NREP: variants seen among roughly 807,000 people sequenced by gnomAD.
The protein encoded by NREP is neuronal regeneration related protein.
In NREP, 5 loss-of-function variants were observed where a neutral mutation model predicts 8.6. That is an observed-to-expected ratio of 0.58 (90% CI 0.30 to 1.22). The LOEUF is 1.22. Ranked by LOEUF, NREP falls within the 50% of genes most tolerant of loss-of-function variation. NREP has a pLI of 0.07. For synonymous variants in NREP, 27 were observed against 28.0 expected (o/e 0.96, Z 0.11); for missense variants, 86 against 82.5 (o/e 1.04, Z -0.17).
chr5:111,752,447 G>C (rs190853569), intron 2 of NREP, among the ~76,000 whole-genome samples: 1 of 152,178 alleles, frequency 6.6e-6, no homozygotes, highest in Non-Finnish European at 1.5e-5. Flanking sequence ...CCACAATCAA[G>C]AGTCACTGAG....
intron 2 of NREP, among the ~76,000 whole-genome samples, chr5:111,768,271 A>G (rs1443116660): frequency 6.6e-6 from 1 of 152,152 alleles, no homozygotes; most frequent in Non-Finnish European, 1.5e-5. Context: ...ATAGGAGCAG[A>G]AGGAGATTAT....
chr5:111,791,026 C>T (rs918186129), intron 2 of NREP, among the ~76,000 whole-genome samples: 10 of 151,918 alleles, frequency 6.6e-5, no homozygotes, highest in Non-Finnish European at 2.9e-5. Flanking sequence ...AACCAATCCC[C>T]GAGTATACTG....
chr5:111,807,125 A>G (rs955689397), intron 2 of NREP, among the ~76,000 whole-genome samples: 2 of 151,988 alleles, frequency 1.3e-5, no homozygotes, highest in African/African-American at 2.4e-5. Context: ...AAAAACAAAA[A>G]AACAAAAAAA....
chr5:111,877,223 T>A lies in NREP; in HGVS notation c.135+98051A>T, dbSNP rs1055272794. Among the ~76,000 whole-genome samples, 4 of 152,220 alleles carry A rather than the reference T, an allele frequency of 2.6e-5. No individual in the cohort carries two copies. The East Asian group carries it at 7.7e-4, about 29-fold the overall frequency. ...TATCTCTCAATCTTTCCTTCATTCT[T>A]GGTTGCTGCTGCTATGGCCCTGTTA... is the stretch of plus-strand genomic sequence containing the variant. On this transcript the variant is annotated intron_variant, in intron 2 of 3. Transcript: ENST00000395634.
chr5:111,751,222 T>A (rs1156424377), intron 2 of NREP, among the ~76,000 whole-genome samples: 1 of 152,200 alleles, frequency 6.6e-6, no homozygotes, highest in Non-Finnish European at 1.5e-5. Context: ...AGGAAAGAAA[T>A]GCATATGATC....
intron 2 of NREP, among the ~76,000 whole-genome samples, chr5:111,907,176 A>G (rs1754798770): frequency 6.6e-6 from 1 of 151,996 alleles, no homozygotes; most frequent in African/African-American, 2.4e-5. Context: ...TTTTTTGCCA[A>G]GCAGTTTTTT....
intron 2 of NREP, 125 bp downstream of exon 2, chr5:111,755,645 C>A: frequency 9.3e-7 from 1 of 1,080,564 alleles, no homozygotes; most frequent in Non-Finnish European, 1.4e-6. Context: ...GAGATAGAAC[C>A]TTTTAAAGGT....
intron 2 of NREP, among the ~76,000 whole-genome samples, chr5:111,863,055 C>A (rs766508473): frequency 2.6e-5 from 4 of 151,810 alleles, no homozygotes; most frequent in Non-Finnish European, 5.9e-5. Flanking sequence ...TTAATGATCA[C>A]TTTGACCTTA....
chr5:111,886,327 T>G (rs1050456965), intron 2 of NREP, among the ~76,000 whole-genome samples: 4 of 151,938 alleles, frequency 2.6e-5, no homozygotes, highest in South Asian at 2.1e-4. Context: ...AAACAACAGG[T>G]GCTGGAGAGG....
At chr5:111,807,119 A>T (rs752528688) in intron 2 of NREP, among the ~76,000 whole-genome samples, 1 of 151,876 alleles carries the variant, frequency 6.6e-6, no homozygotes, top group Non-Finnish European at 1.5e-5. Flanking sequence ...TATCTTAAAA[A>T]CAAAAAAACA....
At chr5:111,824,347 C>T (rs1444831621) in intron 2 of NREP, among the ~76,000 whole-genome samples, 3 of 152,212 alleles carry the variant, frequency 2.0e-5, no homozygotes, top group Admixed American at 6.5e-5. Context: ...CCAGCCTGGA[C>T]GACAGAGCGA....
intron 2 of NREP, among the ~76,000 whole-genome samples, chr5:111,927,805 A>T (rs1755430730): frequency 1.3e-5 from 2 of 151,790 alleles, no homozygotes; most frequent in African/African-American, 4.8e-5. Flanking sequence ...GCCCTCAAAA[A>T]CCTCTTTGGG....
intron 2 of NREP, among the ~76,000 whole-genome samples, chr5:111,834,681 C>T (rs1346607593): frequency 6.6e-6 from 1 of 152,128 alleles, no homozygotes; most frequent in East Asian, 1.9e-4. Flanking sequence ...GCCAGTTTTG[C>T]CCATTACTGG....
chr5:111,882,120 C>A (rs1008902996), intron 2 of NREP, among the ~76,000 whole-genome samples: 1 of 152,078 alleles, frequency 6.6e-6, no homozygotes, highest in African/African-American at 2.4e-5. Context: ...ATAACCAATA[C>A]AGAAAAGTGC....
intron 2 of NREP, among the ~76,000 whole-genome samples, chr5:111,972,859 C>T (rs1481218847): frequency 6.6e-6 from 1 of 152,220 alleles, no homozygotes; most frequent in East Asian, 1.9e-4. Context: ...CCAGCTTGAA[C>T]CCATGTGGGC....
chr5:111,918,169 C>T (rs946324634), intron 2 of NREP, among the ~76,000 whole-genome samples: 1 of 152,108 alleles, frequency 6.6e-6, no homozygotes, highest in Admixed American at 6.6e-5. Context: ...AGGACCTCTT[C>T]AAGGAGAACT....
chr5:111,765,535 C>A (rs150838403), intron 2 of NREP, among the ~76,000 whole-genome samples: 9 of 152,360 alleles, frequency 5.9e-5, no homozygotes, highest in Non-Finnish European at 1.3e-4. Flanking sequence ...AGTATCCTTA[C>A]TTCACAGATG....
intron 2 of NREP, among the ~76,000 whole-genome samples, chr5:111,815,489 AG>A (rs1288543055): frequency 2.0e-5 from 3 of 152,058 alleles, no homozygotes; most frequent in African/African-American, 7.2e-5. Context: ...TATCAAAGAA[AG>A]TTTTTTTTTT....
intron 2 of NREP, among the ~76,000 whole-genome samples, chr5:111,774,787 G>A (rs567494037): frequency 6.6e-6 from 1 of 152,338 alleles, no homozygotes; most frequent in East Asian, 1.9e-4. Context: ...CAGCCCTGCT[G>A]ACATTCTGAT....
Sources: allele counts gnomAD v4.1 joint callset (sites outside exome capture counted in the v4.1 genomes callset), GRCh38; gene constraint gnomAD v4.1.1; transcripts MANE v1.5; gene names NCBI Gene and HGNC (gene_info 2026-07-23, HGNC 2026-07-21).